The following NIBAN1 variants were observed in gnomAD, a reference collection of about 807,000 sequenced individuals.
The protein encoded by NIBAN1 is protein Niban 1.
NIBAN1 carries 81 observed loss-of-function variants against 75.1 expected under a neutral mutation model. That is an observed-to-expected ratio of 1.08 (90% confidence interval 0.90 to 1.30). The LOEUF (loss-of-function observed/expected upper bound fraction) is 1.30, where lower values mean the gene tolerates loss of function less well. Among genes scored for constraint, NIBAN1 ranks in the 50% most tolerant of loss-of-function variants. The pLI is 0.00. For synonymous variants in NIBAN1, 436 were observed against 424.8 expected, an observed-to-expected ratio of 1.03 and a Z score of -0.32; for missense variants, 1,133 against 1,128.1, an observed-to-expected ratio of 1.00 and a Z score of -0.06.
At chr1:184,895,394 C>T (rs1028853304) in intron 2 of NIBAN1, among the ~76,000 whole-genome samples, 1 of 152,030 alleles carries the variant, frequency 6.6e-6, no homozygotes, top group African/African-American at 2.4e-5. Context: ...GAGCTGTGGG[C>T]CATAATGTGC....
intron 1 of NIBAN1, among the ~76,000 whole-genome samples, chr1:184,925,682 CA>C (rs1657664044): frequency 6.6e-6 from 1 of 151,200 alleles, no homozygotes; most frequent in South Asian, 2.1e-4. Context: ...AACAAATAAG[CA>C]AAGAGAAAAC....
chr1:184,897,594 C>T (rs185128729), intron 2 of NIBAN1, among the ~76,000 whole-genome samples: 2 of 152,252 alleles, frequency 1.3e-5, no homozygotes, highest in African/African-American at 2.4e-5. Flanking sequence ...TTTCTATTCT[C>T]CAGGCTCAAT....
intron 1 of NIBAN1, among the ~76,000 whole-genome samples, chr1:184,917,292 C>T (rs1054354125): frequency 4.6e-5 from 7 of 151,670 alleles, no homozygotes; most frequent in African/African-American, 1.7e-4. Flanking sequence ...GCAAGCTCCA[C>T]CTCCCGGGTT....
chr1:184,819,635 C>G (rs1341647231), intron 8 of NIBAN1, among the ~76,000 whole-genome samples: 1 of 152,132 alleles, frequency 6.6e-6, no homozygotes, highest in East Asian at 1.9e-4. Context: ...GTGAAGGAGG[C>G]CGGAGCTAGA....
At chr1:184,891,580 T>C (rs1056477578) in intron 3 of NIBAN1, among the ~76,000 whole-genome samples, 1 of 152,172 alleles carries the variant, frequency 6.6e-6, no homozygotes, top group Non-Finnish European at 1.5e-5. Flanking sequence ...ATTTTTCAAA[T>C]GGGAAACATG....
chr1:184,906,836 C>G (rs1049502599), intron 1 of NIBAN1, among the ~76,000 whole-genome samples: 1 of 152,108 alleles, frequency 6.6e-6, no homozygotes, highest in African/African-American at 2.4e-5. Context: ...GTCTGAAGAG[C>G]CTGACAAATC....
At chr1:184,825,870 A>T (rs969633386) in intron 6 of NIBAN1, among the ~76,000 whole-genome samples, 2 of 152,222 alleles carry the variant, frequency 1.3e-5, no homozygotes, top group African/African-American at 4.8e-5. Flanking sequence ...CACTTGAAAC[A>T]TCTGTTCTAT....
At chr1:184,875,297 C>T (rs528571928) in intron 5 of NIBAN1, among the ~76,000 whole-genome samples, 19 of 152,284 alleles carry the variant, frequency 1.2e-4, no homozygotes, top group African/African-American at 4.3e-4. Context: ...TTTATTATCT[C>T]TCATAGTTTT....
At chr1:184,838,925 C>T (rs1229931537) in intron 5 of NIBAN1, among the ~76,000 whole-genome samples, 1 of 152,188 alleles carries the variant, frequency 6.6e-6, no homozygotes, top group Admixed American at 6.5e-5. Flanking sequence ...CTACGGGGCT[C>T]ATCTCACTGA....
At chr1:184,913,622 C>A (rs1215252751) in intron 1 of NIBAN1, among the ~76,000 whole-genome samples, 3 of 152,108 alleles carry the variant, frequency 2.0e-5, no homozygotes. Context: ...TGTATTATTT[C>A]TTTTATGTAC....
intron 1 of NIBAN1, among the ~76,000 whole-genome samples, chr1:184,947,118 G>A (rs1658247083): frequency 6.9e-6 from 1 of 145,866 alleles, no homozygotes; most frequent in Admixed American, 6.9e-5. Context: ...CTCCTACCTT[G>A]CTTTCTGTTG....
intron 5 of NIBAN1, among the ~76,000 whole-genome samples, chr1:184,873,210 G>A (rs1452465801): frequency 6.6e-6 from 1 of 152,130 alleles, no homozygotes; most frequent in Non-Finnish European, 1.5e-5. Context: ...AAAAAGATTA[G>A]AAACATCTTT....
At chr1:184,820,378 C>A (rs140960021) in intron 8 of NIBAN1, among the ~76,000 whole-genome samples, 22 of 152,302 alleles carry the variant, frequency 1.4e-4, no homozygotes, top group African/African-American at 5.3e-4. Context: ...GCCTACTTAC[C>A]ACAATGTGCT....
chr1:184,924,906 GT>G (rs1356643672), intron 1 of NIBAN1, among the ~76,000 whole-genome samples: 1 of 151,880 alleles, frequency 6.6e-6, no homozygotes, highest in Non-Finnish European at 1.5e-5. Context: ...TTTTATTTGG[GT>G]CTTGTCTTTT....
intron 1 of NIBAN1, among the ~76,000 whole-genome samples, chr1:184,945,489 TAAAA>T (rs1658197747): frequency 6.6e-6 from 1 of 152,104 alleles, no homozygotes. Flanking sequence ...TTGCCCAACT[TAAAA>T]GAAATTAAGA....
chr1:184,965,035 C>G (rs1015022034), intron 1 of NIBAN1, among the ~76,000 whole-genome samples: 13 of 152,158 alleles, frequency 8.5e-5, no homozygotes, highest in East Asian at 1.9e-4. Flanking sequence ...CGCGGCGGCT[C>G]ACGCCTGTAA....
intron 8 of NIBAN1, among the ~76,000 whole-genome samples, chr1:184,820,392 G>A (rs543566415): frequency 1.8e-4 from 27 of 152,036 alleles, no homozygotes; most frequent in Non-Finnish European, 2.5e-4. Flanking sequence ...ATGTGCTTCC[G>A]CCCCCTCTCT....
In NIBAN1 at chr1:184,794,998, T is replaced by C. The variant is rs1653798280; in HGVS notation, c.2766A>G (p.Pro922=). ...CCTTTCACTCCTCTGAGGGCAGCTC[T>C]GGGAAACTCTCCTGACCACCTTCTC... ...KEGEGGQESF[P]ELPSEE The change falls in exon 14 of 14, where the codon CCA becomes CCG. Residue 922 remains proline, a synonymous_variant. Coordinates refer to ENST00000367511, the MANE Select transcript of NIBAN1 (RefSeq NM_052966.4). The C allele has an allele frequency of 1.2e-6, 2 of 1,611,516 alleles. No individual in the cohort carries two copies. The highest frequency in any genetic ancestry group is 2.2e-5 in the East Asian group (1 of 44,888).
At chr1:184,964,198 GGAAGGGACAAC>G (rs1426761730) in intron 1 of NIBAN1, among the ~76,000 whole-genome samples, 1 of 152,180 alleles carries the variant, frequency 6.6e-6, no homozygotes, top group African/African-American at 2.4e-5. Flanking sequence ...GCTGAGGAGT[GGAAGGGACAAC>G]GAGTTTGCCT....
Sources: gnomAD v4.1 joint callset for allele counts (sites outside exome capture counted in the v4.1 genomes callset) on GRCh38, gnomAD v4.1.1 for gene constraint, MANE v1.5 for transcripts, NCBI Gene and HGNC (gene_info 2026-07-23, HGNC 2026-07-21) for gene names.